Variants in CCSER2 observed in about 807,000 individuals in gnomAD.
The protein encoded by CCSER2 is coiled-coil serine rich protein 2.
Under a neutral mutation model 92.3 loss-of-function variants are expected in CCSER2, and 46 were observed. That is an observed-to-expected ratio of 0.50 (90% CI 0.39 to 0.64). The LOEUF (loss-of-function observed/expected upper bound fraction) is 0.64. Ranked by LOEUF, CCSER2 falls within the 30% of genes least tolerant of loss-of-function variation. CCSER2 has a pLI of 0.00. For missense variants in CCSER2, 1,244 were observed against 1,238.9 expected (o/e 1.00, Z -0.06); for synonymous variants, 433 against 431.4 (o/e 1.00, Z -0.04).
chr10:84,457,308 T>TATATATAATATATTATATATA (rs1564684983), intron 6 of CCSER2, among the ~76,000 whole-genome samples: 2 of 68,452 alleles, frequency 2.9e-5, no homozygotes, highest in African/African-American at 5.0e-5. Context: ...TATAATATGT[T>TATATATAATATATTATATATA]ATATATAATA....
In CCSER2 at chr10:84,371,917, G is replaced by C. The variant is rs745793810; in HGVS notation, c.865G>C (p.Gly289Arg). ...CAATGGGAATGAACATTTGGGGTAT[G>C]GATTTAATAGGCCTTATGCTGCTGG... ...VLNGNEHLGY[G>R]FNRPYAAGGK... Residue 289 changes from glycine to arginine, a missense_variant, in exon 2 of 10, where the codon GGA becomes CGA. Transcript: ENST00000372088. 6.2e-7 allele frequency: 1 copy of C among 1,613,852 alleles called. No individual in the cohort carries two copies. The highest frequency in any genetic ancestry group is 1.1e-5 in the South Asian group (1 of 91,068).
At chr10:84,329,797 T>A (rs181729830) in intron 1 of CCSER2, among the ~76,000 whole-genome samples, 31 of 152,366 alleles carry the variant, frequency 2.0e-4, no homozygotes, top group African/African-American at 6.5e-4. Context: ...TAAATATTCC[T>A]GAGTGTTTGC....
chr10:84,337,418 A>G (rs1338895126), intron 1 of CCSER2, among the ~76,000 whole-genome samples: 2 of 152,204 alleles, frequency 1.3e-5, no homozygotes, highest in Non-Finnish European at 2.9e-5. Flanking sequence ...TAGATTGAGG[A>G]CTAAGATAAA....
intron 1 of CCSER2, 66 bp from the exon 2 acceptor site, chr10:84,370,948 A>T: frequency 1.4e-6 from 1 of 709,066 alleles, no homozygotes; most frequent in Non-Finnish European, 2.2e-6. Flanking sequence ...GTATCATATT[A>T]TGTAATAATT....
Position 84,371,841 on chromosome 10 carries a change from G to T in CCSER2, c.789G>T (p.Val263=). Residue 263 remains valine (V), a synonymous_variant, in exon 2 of 10, where the codon GTG becomes GTT. Coordinates refer to ENST00000372088, the MANE Select transcript of CCSER2 (RefSeq NM_001284240.2). ...PYQNQQLSIR[V]PLRSSMLTRN... ...AGAACCAACAGCTATCCATTAGAGT[G>T]CCTCTACGGTCAAGTATGCTAACAA... The T allele has an allele frequency of 6.2e-7, 1 of 1,613,884 alleles. No individual in the cohort carries two copies. Among genetic ancestry groups the T allele is most frequent in the East Asian group, 2.2e-5 (1 of 44,876 alleles).
intron 5 of CCSER2, among the ~76,000 whole-genome samples, chr10:84,427,747 G>A (rs918815204): frequency 2.0e-4 from 31 of 152,058 alleles, no homozygotes; most frequent in African/African-American, 7.5e-4. Context: ...ATGCTATCTG[G>A]AATTCTCTCA....
At chr10:84,380,153 A>G (rs1840817051) in intron 3 of CCSER2, among the ~76,000 whole-genome samples, 1 of 152,204 alleles carries the variant, frequency 6.6e-6, no homozygotes, top group South Asian at 2.1e-4. Flanking sequence ...TGAACCCCAT[A>G]TGTCGTCATC....
At chr10:84,476,953 G>T (rs1174040338) in intron 8 of CCSER2, among the ~76,000 whole-genome samples, 1 of 152,132 alleles carries the variant, frequency 6.6e-6, no homozygotes, top group Non-Finnish European at 1.5e-5. Flanking sequence ...CATGAAAGAG[G>T]CTTCATCACA....
chr10:84,357,971 T>TAAA (rs1405185627), intron 1 of CCSER2, among the ~76,000 whole-genome samples: 1 of 152,218 alleles, frequency 6.6e-6, no homozygotes, highest in Admixed American at 6.5e-5. Context: ...GAATGTGGTT[T>TAAA]AATGCATGAT....
intron 6 of CCSER2, among the ~76,000 whole-genome samples, chr10:84,449,478 A>C (rs943207054): frequency 1.3e-5 from 2 of 152,210 alleles, no homozygotes; most frequent in African/African-American, 4.8e-5. Flanking sequence ...TCTGTGCTGC[A>C]GTTTCCTAGA....
chr10:84,445,310 C>T (rs10788342), intron 6 of CCSER2, among the ~76,000 whole-genome samples: 54,155 of 151,924 alleles, frequency 0.36, 11,553 homozygotes, highest in East Asian at 0.5. Flanking sequence ...CCCGCCACCA[C>T]GCCCAGCTAA....
chr10:84,389,000 A>G (rs1285032182), intron 3 of CCSER2, among the ~76,000 whole-genome samples: 4 of 152,132 alleles, frequency 2.6e-5, no homozygotes, highest in Admixed American at 6.5e-5. Flanking sequence ...ACATTTTCCT[A>G]TATAATCACA....
chr10:84,330,487 T>G (rs976778491), intron 1 of CCSER2, among the ~76,000 whole-genome samples: 1 of 152,224 alleles, frequency 6.6e-6, no homozygotes, highest in Non-Finnish European at 1.5e-5. Flanking sequence ...GATTTGTTTA[T>G]GTGTCTGTCT....
intron 9 of CCSER2, among the ~76,000 whole-genome samples, chr10:84,486,095 A>G (rs1847792713): frequency 6.6e-6 from 1 of 152,170 alleles, no homozygotes; most frequent in African/African-American, 2.4e-5. Context: ...ATGGCTGCAT[A>G]GTATTCCATG....
At chr10:84,432,828 AT>A (rs1843862709) in intron 5 of CCSER2, among the ~76,000 whole-genome samples, 1 of 152,004 alleles carries the variant, frequency 6.6e-6, no homozygotes, top group Non-Finnish European at 1.5e-5. Context: ...CTCCCTTTTC[AT>A]ATTATAGGAA....
Position 84,379,077 on chromosome 10 carries a change from G to T in CCSER2, c.1614+5262G>T, listed in dbSNP as rs144008363. On this transcript the variant is annotated intron_variant, in intron 3 of 9. Coordinates refer to ENST00000372088, the MANE Select transcript of CCSER2 (RefSeq NM_001284240.2). Reference sequence around the variant, plus strand: ...GTGCTTATTCCTTAGGTATGTAAAAGAATTTGCCAGAATTCAGCCTTCTGG... The same window carrying T: ...GTGCTTATTCCTTAGGTATGTAAAATAATTTGCCAGAATTCAGCCTTCTGG... 2.5e-3 allele frequency among the ~76,000 whole-genome samples: 386 copies of T among 152,262 alleles called. 2 individuals carry two copies. The highest frequency in any genetic ancestry group is 8.5e-3 in the African/African-American group (354 of 41,554).
At chr10:84,503,676 C>G (rs1848891272) in intron 9 of CCSER2, among the ~76,000 whole-genome samples, 1 of 152,174 alleles carries the variant, frequency 6.6e-6, no homozygotes, top group African/African-American at 2.4e-5. Flanking sequence ...CTTACTGTGT[C>G]TAACTAAGCT....
intron 3 of CCSER2, among the ~76,000 whole-genome samples, chr10:84,410,957 A>G (rs1842620368): frequency 1.3e-5 from 2 of 152,198 alleles, no homozygotes; most frequent in Admixed American, 1.3e-4. Context: ...GTAAGGAAGA[A>G]GTCCAGTTTC....
intron 7 of CCSER2, among the ~76,000 whole-genome samples, chr10:84,466,950 GA>G (rs1333654090): frequency 6.6e-5 from 10 of 152,054 alleles, no homozygotes. Context: ...GTTGCTTAAG[GA>G]CCTAACTGCA....
Sources: allele counts gnomAD v4.1 joint callset (sites outside exome capture counted in the v4.1 genomes callset), GRCh38; gene constraint gnomAD v4.1.1; transcripts MANE v1.5; gene names NCBI Gene and HGNC (gene_info 2026-07-23, HGNC 2026-07-21).